Variants in LRRC49 observed in about 807,000 individuals in gnomAD.
LRRC49 encodes the protein leucine-rich repeat-containing protein 49.
A neutral mutation model predicts 83.3 loss-of-function variants in LRRC49; 50 were observed. That is an observed-to-expected ratio of 0.60 (90% CI 0.48 to 0.76). The LOEUF (loss-of-function observed/expected upper bound fraction) is 0.76, where lower values mean the gene tolerates loss of function less well. Among genes scored for constraint, LRRC49 ranks in the 30% least tolerant of loss-of-function variants. The pLI is 0.00. For synonymous variants in LRRC49, 286 were observed against 283.3 expected (o/e 1.01, Z -0.10); for missense variants, 704 against 809.1 (o/e 0.87, Z 1.58).
intron 9 of LRRC49, among the ~76,000 whole-genome samples, chr15:70,977,189 A>G (rs186060377): frequency 2.8e-4 from 42 of 152,336 alleles, no homozygotes; most frequent in African/African-American, 9.9e-4. Context: ...TTATTCTGAA[A>G]TAGATTGTAC....
intron 15 of LRRC49, among the ~76,000 whole-genome samples, chr15:71,040,137 G>A (rs532621458): frequency 6.6e-6 from 1 of 152,288 alleles, no homozygotes; most frequent in South Asian, 2.1e-4. Context: ...TAGATCTAAT[G>A]TGAAAAATCA....
chr15:70,899,085 C>G (rs2033959972), intron 3 of LRRC49, among the ~76,000 whole-genome samples: 1 of 152,152 alleles, frequency 6.6e-6, no homozygotes, highest in Non-Finnish European at 1.5e-5. Flanking sequence ...GTGATTATGA[C>G]TTCTGTGTAT....
intron 1 of LRRC49, among the ~76,000 whole-genome samples, chr15:70,858,557 T>C (rs909864642): frequency 6.6e-6 from 1 of 152,234 alleles, no homozygotes; most frequent in Non-Finnish European, 1.5e-5. Context: ...TGAGCCGAGA[T>C]TGTGCCATTG....
chr15:70,943,315 T>G (rs2035889959), intron 8 of LRRC49, among the ~76,000 whole-genome samples: 1 of 152,124 alleles, frequency 6.6e-6, no homozygotes, highest in Non-Finnish European at 1.5e-5. Context: ...AGAATTTGAC[T>G]GAGGGGCATA....
At chr15:70,857,454 C>A (rs1027203615) in intron 1 of LRRC49, among the ~76,000 whole-genome samples, 10 of 151,970 alleles carry the variant, frequency 6.6e-5, no homozygotes, top group Admixed American at 6.6e-4. Flanking sequence ...CATGATGGCA[C>A]CACTGCACTC....
intron 5 of LRRC49, among the ~76,000 whole-genome samples, chr15:70,909,629 A>C: frequency 6.6e-6 from 1 of 152,130 alleles, no homozygotes; most frequent in Non-Finnish European, 1.5e-5. Context: ...TCACCACGTC[A>C]AGAGATCAAG....
intron 11 of LRRC49, among the ~76,000 whole-genome samples, chr15:70,986,826 T>A (rs1281532395): frequency 3.9e-5 from 6 of 152,218 alleles, no homozygotes; most frequent in Admixed American, 3.9e-4. Context: ...CCTAATTTAT[T>A]GAGAGTTTTT....
chr15:70,883,359 T>C (rs2141085210), intron 2 of LRRC49, among the ~76,000 whole-genome samples: 1 of 151,830 alleles, frequency 6.6e-6, no homozygotes, highest in South Asian at 2.1e-4. Context: ...GCCCAGCTAA[T>C]TTTTTTGTAT....
intron 2 of LRRC49, among the ~76,000 whole-genome samples, chr15:70,886,964 T>C (rs2033426367): frequency 6.6e-6 from 1 of 152,008 alleles, no homozygotes; most frequent in Non-Finnish European, 1.5e-5. Flanking sequence ...TTTTTTCAAA[T>C]ACAAGATTAT....
intron 6 of LRRC49, among the ~76,000 whole-genome samples, chr15:70,916,456 G>A (rs898911438): frequency 6.6e-6 from 1 of 152,168 alleles, no homozygotes; most frequent in African/African-American, 2.4e-5. Context: ...CACCACACCT[G>A]GCTAGTTTTT....
At chr15:70,984,989 A>G (rs1480852517) in intron 11 of LRRC49, among the ~76,000 whole-genome samples, 1 of 140,694 alleles carries the variant, frequency 7.1e-6, no homozygotes, top group African/African-American at 2.6e-5. Flanking sequence ...ATAGTATTCC[A>G]TGGTGTATAT....
rs1363227684 is a variant in LRRC49 at position 71,050,348 on chromosome 15, A to G, written c.*736A>G. 6.6e-6 allele frequency: 1 copy of G among 152,226 alleles called. No individual in the cohort carries two copies. The highest frequency in any genetic ancestry group is 2.4e-5 in the African/African-American group (1 of 41,456). 9.4% of individuals were successfully genotyped at this position (152,226 alleles called of 1,614,324 possible). On this transcript the variant is annotated 3_prime_UTR_variant, in exon 16 of 16. Coordinates refer to ENST00000260382, the MANE Select transcript of LRRC49 (RefSeq NM_017691.5). ...CAAAGCAGTAAATCTGCTTCTCTGA[A>G]AGATGTTTCCTTCCATTGTTAGCTC...
intron 1 of LRRC49, among the ~76,000 whole-genome samples, chr15:70,860,879 C>T (rs1050372985): frequency 5.9e-5 from 9 of 152,162 alleles, no homozygotes; most frequent in African/African-American, 1.9e-4. Context: ...AATCATGTAA[C>T]TAAATTCTGG....
intron 11 of LRRC49, among the ~76,000 whole-genome samples, chr15:70,989,080 C>G (rs2037754055): frequency 6.6e-6 from 1 of 152,160 alleles, no homozygotes; most frequent in Admixed American, 6.5e-5. Context: ...TTTTTTCCTT[C>G]ATTTCAACTT....
chr15:70,958,589 T>C (rs1172368743), intron 8 of LRRC49, among the ~76,000 whole-genome samples: 1 of 152,220 alleles, frequency 6.6e-6, no homozygotes, highest in East Asian at 1.9e-4. Context: ...ATTTTTATAC[T>C]GATGAAGAAA....
intron 1 of LRRC49, among the ~76,000 whole-genome samples, chr15:70,856,103 A>C (rs1257363218): frequency 6.6e-6 from 1 of 152,142 alleles, no homozygotes; most frequent in Non-Finnish European, 1.5e-5. Context: ...CAATTCATAC[A>C]TGTCTTTTCA....
chr15:71,017,353 A>C (rs1166289541), intron 14 of LRRC49, among the ~76,000 whole-genome samples: 2 of 152,186 alleles, frequency 1.3e-5, no homozygotes, highest in African/African-American at 4.8e-5. Flanking sequence ...ATGTTCTACT[A>C]TACTTTCTCA....
chr15:70,938,155 G>T (rs1010952030), intron 8 of LRRC49, among the ~76,000 whole-genome samples: 1 of 152,016 alleles, frequency 6.6e-6, no homozygotes, highest in Non-Finnish European at 1.5e-5. Context: ...TTATATAGGG[G>T]TTATGATGTT....
At chr15:70,867,814 A>G (rs1352846753) in intron 1 of LRRC49, among the ~76,000 whole-genome samples, 2 of 152,116 alleles carry the variant, frequency 1.3e-5, no homozygotes, top group East Asian at 3.9e-4. Context: ...ATCTACCACA[A>G]TGCCTGCAAT....
Sources: allele counts gnomAD v4.1 joint callset (sites outside exome capture counted in the v4.1 genomes callset), GRCh38; gene constraint gnomAD v4.1.1; transcripts MANE v1.5; gene names NCBI Gene and HGNC (gene_info 2026-07-23, HGNC 2026-07-21).